The following ENTREP1 variants were observed in gnomAD, a reference collection of about 807,000 sequenced individuals.
The protein encoded by ENTREP1 is endosomal transmembrane epsin interactor 1.
At chr9:69,358,543 T>C in the ENTREP1 span, among the ~76,000 whole-genome samples, 1 of 151,994 alleles carries the variant, frequency 6.6e-6, no homozygotes, top group South Asian at 2.1e-4. Flanking sequence ...AGGCTGCATA[T>C]GAGGGGGAAA....
the ENTREP1 span, chr9:69,381,796 A>G: frequency 6.6e-6 from 1 of 152,256 alleles, no homozygotes; most frequent in Non-Finnish European, 1.5e-5. Flanking sequence ...CTCTAGCAGC[A>G]TCTTCCTTCA....
chr9:69,383,316 C>CCCATT, the ENTREP1 span: 1 of 948,456 alleles, frequency 1.1e-6, no homozygotes, highest in Non-Finnish European at 1.3e-6. Flanking sequence ...ACAGTCACTC[C>CCCATT]CCATTCCCTT....
chr9:69,371,303 G>T, the ENTREP1 span: 1 of 635,560 alleles, frequency 1.6e-6, no homozygotes, highest in Non-Finnish European at 2.8e-6. Context: ...GAAGACTTAA[G>T]AGTCAGTGGC....
chr9:69,330,272 TCTC>T, the ENTREP1 span, among the ~76,000 whole-genome samples: 1 of 152,166 alleles, frequency 6.6e-6, no homozygotes, highest in Non-Finnish European at 1.5e-5. Context: ...TTGGGTTGTC[TCTC>T]CTCCTTCAGA....
At chr9:69,340,666 C>CATGTGTGTGTAT in the ENTREP1 span, among the ~76,000 whole-genome samples, 1 of 108,650 alleles carries the variant, frequency 9.2e-6, no homozygotes, top group Non-Finnish European at 1.8e-5. Flanking sequence ...TGTGTGTGTG[C>CATGTGTGTGTAT]GTGTGTGTGT....
At chr9:69,349,549 C>T in the ENTREP1 span, among the ~76,000 whole-genome samples, 1 of 152,088 alleles carries the variant, frequency 6.6e-6, no homozygotes, top group South Asian at 2.1e-4. Context: ...GCCATTTGTA[C>T]ATCATCTTTG....
the ENTREP1 span, among the ~76,000 whole-genome samples, chr9:69,361,268 A>G: frequency 1.3e-5 from 2 of 152,190 alleles, no homozygotes; most frequent in Non-Finnish European, 2.9e-5. Context: ...AAGTTTCCTT[A>G]TGCCTCTTCT....
chr9:69,358,983 G>A, the ENTREP1 span, among the ~76,000 whole-genome samples: 2 of 141,832 alleles, frequency 1.4e-5, no homozygotes, highest in African/African-American at 5.3e-5. Flanking sequence ...GGCTGACTGT[G>A]TAACCTCCAC....
At chr9:69,347,674 A>G in the ENTREP1 span, among the ~76,000 whole-genome samples, 1 of 152,186 alleles carries the variant, frequency 6.6e-6, no homozygotes, top group African/African-American at 2.4e-5. Flanking sequence ...TGTACCTGAT[A>G]TTGATCAGAC....
At chr9:69,334,163 T>C in the ENTREP1 span, among the ~76,000 whole-genome samples, 1 of 152,210 alleles carries the variant, frequency 6.6e-6, no homozygotes, top group African/African-American at 2.4e-5. Flanking sequence ...ATTTGTAAAG[T>C]AGGTACAACT....
chr9:69,374,471 A>C, the ENTREP1 span, among the ~76,000 whole-genome samples: 1 of 152,108 alleles, frequency 6.6e-6, no homozygotes, highest in Non-Finnish European at 1.5e-5. Flanking sequence ...TCCTTCATTA[A>C]AGGGCTTAAA....
chr9:69,382,940 T>C, the ENTREP1 span: 3 of 835,784 alleles, frequency 3.6e-6, no homozygotes, highest in African/African-American at 5.5e-5. Context: ...ATATGTATTT[T>C]ATAAATTATT....
chr9:69,368,503 C>T, the ENTREP1 span, among the ~76,000 whole-genome samples: 5 of 152,078 alleles, frequency 3.3e-5, no homozygotes, highest in Non-Finnish European at 7.4e-5. Flanking sequence ...GGACAAATTC[C>T]ACTTGATCGT....
the ENTREP1 span, among the ~76,000 whole-genome samples, chr9:69,357,048 C>T: frequency 7.0e-6 from 1 of 143,270 alleles, no homozygotes. Flanking sequence ...AGCTTGAGGC[C>T]AGGAGTGTGA....
At chr9:69,325,345 C>T in the ENTREP1 span, 4 of 1,183,158 alleles carry the variant, frequency 3.4e-6, no homozygotes, top group Non-Finnish European at 4.2e-6. Flanking sequence ...GCTCCTGCTG[C>T]CCCGTGGCTG....
At chr9:69,350,794 G>A in the ENTREP1 span, among the ~76,000 whole-genome samples, 1 of 152,138 alleles carries the variant, frequency 6.6e-6, no homozygotes, top group African/African-American at 2.4e-5. Context: ...GTCATTGCTT[G>A]ATGCCTTTTG....
the ENTREP1 span, chr9:69,383,846 A>C: frequency 2.5e-6 from 4 of 1,585,234 alleles, no homozygotes; most frequent in South Asian, 3.4e-5. Flanking sequence ...AGAGAACAGC[A>C]GGGAGACCGG....
At chr9:69,336,388 A>G in the ENTREP1 span, 1 of 616,056 alleles carries the variant, frequency 1.6e-6, no homozygotes, top group Non-Finnish European at 2.9e-6. Context: ...ATAAGTTAAC[A>G]ATAGATAATA....
chr9:69,325,026 C>G, the ENTREP1 span: 1 of 985,270 alleles, frequency 1.0e-6, no homozygotes, highest in African/African-American at 1.7e-5. Flanking sequence ...GGCGCACTTG[C>G]CCCGGCACAG....
Sources: allele counts gnomAD v4.1 joint callset (sites outside exome capture counted in the v4.1 genomes callset), GRCh38; gene constraint gnomAD v4.1.1; transcripts MANE v1.5; gene names NCBI Gene and HGNC (gene_info 2026-07-23, HGNC 2026-07-21).